The following IMPDH1 variants were observed in gnomAD, a reference collection of about 807,000 sequenced individuals.
IMPDH1 encodes the protein inosine-5'-monophosphate dehydrogenase 1.
IMPDH1 carries 41 observed loss-of-function variants against 73.5 expected under a neutral mutation model. The observed-to-expected ratio is 0.56, with a 90% CI of 0.43 to 0.72. The LOEUF (loss-of-function observed/expected upper bound fraction) is 0.72. Among genes scored for constraint, IMPDH1 ranks in the 30% least tolerant of loss-of-function variants. The pLI, the probability that IMPDH1 is intolerant of heterozygous loss-of-function variation, is 0.00. For missense variants in IMPDH1, 645 were observed against 824.8 expected (o/e 0.78, Z 2.67); for synonymous variants, 318 against 334.3 (o/e 0.95, Z 0.53).
At chr7:128,395,920 T>G (rs1422392228) in intron 12 of IMPDH1, among the ~76,000 whole-genome samples, 1 of 152,180 alleles carries the variant, frequency 6.6e-6, no homozygotes, top group Non-Finnish European at 1.5e-5. Context: ...CAAACCTAAA[T>G]AGCAGAGGCT....
Position 128,409,831 on chromosome 7 carries a change from C to T in IMPDH1, c.71G>A (p.Arg24Gln). The change falls in exon 1 of 17, where the codon CGG becomes CAG. Residue 24 changes from arginine to glutamine, a missense_variant. Physicochemically the swap from Arg to Gln is conservative, Grantham distance 43. Transcript: ENST00000338791. ...GAAAVPEPGA[R>Q]QHPGHETAAQ... ...CGCCGTCTCGTGTCCCGGGTGTTGC[C>T]GGGCTCCGGGCTCCGGAACAGCGGC... 6.7e-7 allele frequency: 1 copy of T among 1,495,812 alleles called. No homozygotes were observed. The highest frequency in any genetic ancestry group is 8.9e-7 in the Non-Finnish European group (1 of 1,129,818). The allele number at this position is 1,495,812 out of a possible 1,614,324, so 92.7% of individuals were successfully genotyped here. A position where few individuals can be genotyped will look rare whatever the true frequency, so the allele number is the denominator to read the frequency against.
chr7:128,399,027 T>C (rs941202098), intron 9 of IMPDH1, among the ~76,000 whole-genome samples: 1 of 152,168 alleles, frequency 6.6e-6, no homozygotes, highest in African/African-American at 2.4e-5. Context: ...TTTCCCAGTA[T>C]AGCCAACAGG....
In IMPDH1 at chr7:128,394,109, C is replaced by A. The variant is rs1562982001; in HGVS notation, c.1778+169G>T. On this transcript the variant is annotated intron_variant, in intron 16 of 16. Coordinates refer to ENST00000338791, the MANE Select transcript of IMPDH1 (RefSeq NM_000883.4). This position sits in a 1 kb window ranked among gnomAD's most constrained non-coding sequence, Gnocchi z 5.5. ...TGCATGGGGACTAAAGGACAAGGAA[C>A]AGGGGGCTGGGCCCCCGAAGAGAGG... Among the ~76,000 whole-genome samples, 2 of 152,172 alleles carry A rather than the reference C, an allele frequency of 1.3e-5. No homozygotes were observed. The highest frequency in any genetic ancestry group is 6.5e-5 in the Admixed American group (1 of 15,290).
At chr7:128,400,583 G>A (rs1347570374) in intron 7 of IMPDH1, 44 bp from the exon 8 acceptor site, 3 of 1,565,330 alleles carry the variant, frequency 1.9e-6, no homozygotes, top group South Asian at 2.3e-5. Flanking sequence ...AGAAAGCCAG[G>A]GATGATGTCC....
At chr7:128,409,670 G>C (rs1799009293) in intron 1 of IMPDH1, 86 bp downstream of exon 1, 1 of 1,510,068 alleles carries the variant, frequency 6.6e-7, no homozygotes, top group African/African-American at 1.4e-5. Flanking sequence ...CCCCTCCCCC[G>C]CAGCGTCGCC....
Position 128,398,739 on chromosome 7 carries a change from A to G in IMPDH1, c.875-126T>C. 1.3e-6 allele frequency: 1 copy of G among 741,506 alleles called. No individual in the cohort carries two copies. Among genetic ancestry groups the G allele is most frequent in the Admixed American group, 2.0e-5 (1 of 50,100 alleles). The allele number at this position is 741,506 out of a possible 1,614,324, so 45.9% of individuals were successfully genotyped here. A position where few individuals can be genotyped will look rare whatever the true frequency, so the allele number is the denominator to read the frequency against. On this transcript the variant is annotated intron_variant, in intron 9 of 16. Coordinates refer to ENST00000338791, the MANE Select transcript of IMPDH1 (RefSeq NM_000883.4). This position sits in a 1 kb window ranked among gnomAD's most constrained non-coding sequence, Gnocchi z 4.3. ...CACTGAAGTACCCCAGTCAGCCACT[A>G]GGTGACAGCACCGCCCCCAGGAAGT...
At chr7:128,403,958 G>A (rs537526475) in intron 4 of IMPDH1, among the ~76,000 whole-genome samples, 2 of 152,350 alleles carry the variant, frequency 1.3e-5, no homozygotes, top group Admixed American at 6.5e-5. Context: ...CCCAGAGCTA[G>A]AGCCAAAGAC....
chr7:128,397,147 G>GT, intron 10 of IMPDH1, 125 bp from the exon 11 acceptor site: 1 of 619,794 alleles, frequency 1.6e-6, no homozygotes, highest in Non-Finnish European at 2.8e-6. Context: ...CTTTCCTTCT[G>GT]GTTGTTTTTT....
intron 7 of IMPDH1, 101 bp downstream of exon 7, chr7:128,400,716 G>T: frequency 1.7e-6 from 2 of 1,206,848 alleles, no homozygotes; most frequent in Non-Finnish European, 2.5e-6. Context: ...GGAAGGACAC[G>T]CAGGGAGTGT....
At chr7:128,399,238 T>C (rs1243314748) in intron 9 of IMPDH1, among the ~76,000 whole-genome samples, 2 of 151,056 alleles carry the variant, frequency 1.3e-5, no homozygotes, top group Non-Finnish European at 2.9e-5. Flanking sequence ...TGTTGGTGTG[T>C]GCCTGTTGTC....
chr7:128,399,426 C>T (rs562967841), intron 9 of IMPDH1, among the ~76,000 whole-genome samples: 55 of 151,144 alleles, frequency 3.6e-4, no homozygotes, highest in Non-Finnish European at 6.5e-4. Context: ...CCTGTAATTC[C>T]AGCACTTTGG....
chr7:128,402,722 T>A (rs1054511564), intron 5 of IMPDH1, among the ~76,000 whole-genome samples: 2 of 152,184 alleles, frequency 1.3e-5, no homozygotes, highest in African/African-American at 4.8e-5. Context: ...GTTTTTTTTT[T>A]AATGTATATG....
At position 128,392,695 on chromosome 7, in the gene IMPDH1, C is replaced by T. The variant is rs1797614722; in HGVS notation, c.*312G>A. 3.0e-5 allele frequency: 12 copies of T among 406,220 alleles called. No homozygotes were observed. The South Asian group carries it at 3.4e-4, about 11-fold the overall frequency. 25.2% of individuals were successfully genotyped at this position (406,220 alleles called of 1,614,324 possible). A position where few individuals can be genotyped will look rare whatever the true frequency, so the allele number is the denominator to read the frequency against. ...AGAAGCCAGGAGGGGCCGCCTGCCCCTGGGGTGGGGGCCAGGCTGGAGCAG... is the reference window on the plus strand; with the variant it reads ...AGAAGCCAGGAGGGGCCGCCTGCCCTTGGGGTGGGGGCCAGGCTGGAGCAG... On this transcript the variant is annotated 3_prime_UTR_variant, in exon 17 of 17. Coordinates refer to ENST00000338791, the MANE Select transcript of IMPDH1 (RefSeq NM_000883.4).
At chr7:128,399,244 T>A (rs1474266505) in intron 9 of IMPDH1, among the ~76,000 whole-genome samples, 1 of 151,034 alleles carries the variant, frequency 6.6e-6, no homozygotes. Flanking sequence ...TGTGTGCCTG[T>A]TGTCCCAACT....
At chr7:128,401,192 C>T (rs780676455) in intron 5 of IMPDH1, 76 bp from the exon 6 acceptor site, 116 of 1,080,818 alleles carry the variant, frequency 1.1e-4, no homozygotes, top group Middle Eastern at 5.7e-4. Context: ...CTACATGCAC[C>T]GGCACCAGGA....
At chr7:128,407,224 GTTTA>G (rs975152242) in intron 3 of IMPDH1, among the ~76,000 whole-genome samples, 1 of 152,168 alleles carries the variant, frequency 6.6e-6, no homozygotes, top group Admixed American at 6.5e-5. Context: ...GGGAGGCTGG[GTTTA>G]TTTACTTCTC....
chr7:128,403,377 G>T (rs997599734), intron 5 of IMPDH1, among the ~76,000 whole-genome samples: 2 of 152,140 alleles, frequency 1.3e-5, no homozygotes, highest in East Asian at 3.8e-4. Context: ...GGCCAACATG[G>T]TGAAACCCCG....
intron 4 of IMPDH1, among the ~76,000 whole-genome samples, chr7:128,404,480 C>T (rs1306399602): frequency 6.6e-6 from 1 of 152,180 alleles, no homozygotes; most frequent in Non-Finnish European, 1.5e-5. Context: ...TGCAGGGTCA[C>T]AGCTCAGGGG....
intron 3 of IMPDH1, among the ~76,000 whole-genome samples, chr7:128,406,785 T>C (rs1329409421): frequency 3.3e-5 from 5 of 152,144 alleles, no homozygotes. Context: ...TACCAGGGCT[T>C]TTAATCTCAG....
Sources: allele counts gnomAD v4.1 joint callset (sites outside exome capture counted in the v4.1 genomes callset), GRCh38; gene constraint gnomAD v4.1.1; non-coding constraint Gnocchi (gnomAD v3.1); transcripts MANE v1.5; gene names NCBI Gene and HGNC (gene_info 2026-07-23, HGNC 2026-07-21).